The following UBQLN4 variants were observed in gnomAD, a reference collection of about 807,000 sequenced individuals.
UBQLN4 encodes ubiquilin 4.
A neutral mutation model predicts 60.4 loss-of-function variants in UBQLN4; 11 were observed. That is an observed-to-expected ratio of 0.18 (90% confidence interval 0.11 to 0.30). The LOEUF is 0.30. Among genes scored for constraint, UBQLN4 ranks in the 10% least tolerant of loss-of-function variants. The pLI is 1.00. For synonymous variants in UBQLN4, 258 were observed against 313.1 expected (o/e 0.82, Z 1.86); for missense variants, 417 against 795.5 (o/e 0.52, Z 5.72).
chr1:156,042,828 G>A lies in UBQLN4; in HGVS notation c.1212C>T (p.Pro404=). Residue 404 remains proline, a synonymous_variant, in exon 7 of 11, where the codon CCC becomes CCT. Transcript: ENST00000368309. The stretch of plus-strand genomic sequence containing the variant: ...GCGTCTGCATCATGCTGCGCATGTA[G>A]GGTGCTGAGATCACATTCTGCATCA... The part of the protein sequence containing the change: ...PQLMQNVISA[P]YMRSMMQTLA... 3 of 1,614,226 alleles carry A rather than the reference G, an allele frequency of 1.9e-6. No individual in the cohort carries two copies. The highest frequency in any genetic ancestry group is 1.7e-6 in the Non-Finnish European group (2 of 1,180,032).
At chr1:156,043,206 G>T (rs1226947516) in intron 6 of UBQLN4, among the ~76,000 whole-genome samples, 3 of 152,116 alleles carry the variant, frequency 2.0e-5, no homozygotes, top group African/African-American at 7.2e-5. Context: ...CTCAAATTAT[G>T]TCCAATTTGG....
downstream of UBQLN4, among the ~76,000 whole-genome samples, chr1:156,031,397 A>G (rs1169237041): frequency 6.6e-6 from 1 of 152,166 alleles, no homozygotes; most frequent in African/African-American, 2.4e-5. Context: ...GGCAGGTTGA[A>G]TAACTCTCCC....
At chr1:156,034,995 T>C (rs956915997), downstream of UBQLN4, among the ~76,000 whole-genome samples, 1 of 150,180 alleles carries the variant, frequency 6.7e-6, no homozygotes, top group Non-Finnish European at 1.5e-5. Context: ...CAGCCTCCCA[T>C]GTAGCTGGGA....
intron 10 of UBQLN4, 151 bp downstream of exon 10, chr1:156,041,334 A>G: frequency 1.4e-6 from 1 of 722,266 alleles, no homozygotes; most frequent in African/African-American, 1.8e-5. Context: ...AACTGAACTC[A>G]GGGAGCATCA....
In UBQLN4 at chr1:156,035,355, G is replaced by C. The variant is rs976911831; in HGVS notation, c.*1623C>G. Reference sequence around the variant, plus strand: ...AAAGGCCAGTGTGGGAGCTGGGGGAGGCAGGGAGGGAAAGCCACACAGACA... The same window carrying C: ...AAAGGCCAGTGTGGGAGCTGGGGGACGCAGGGAGGGAAAGCCACACAGACA... On this transcript the variant is annotated 3_prime_UTR_variant, in exon 11 of 11. Transcript: ENST00000368309. 27 of 985,214 alleles carry C rather than the reference G, an allele frequency of 2.7e-5. No individual in the cohort carries two copies. The highest frequency in any genetic ancestry group is 3.1e-5 in the Non-Finnish European group (26 of 829,902). 61.0% of individuals were successfully genotyped at this position (985,214 alleles called of 1,614,324 possible). A position where few individuals can be genotyped will look rare whatever the true frequency, so the allele number is the denominator to read the frequency against.
In UBQLN4 at chr1:156,044,296, C is replaced by T. The variant is rs1683643314; in HGVS notation, c.901-73G>A. 7.5e-6 allele frequency: 10 copies of T among 1,339,534 alleles called. No homozygotes were observed. In the South Asian group the frequency reaches 1.3e-4, roughly 17 times the overall value. The allele number at this position is 1,339,534 out of a possible 1,614,324, so 83.0% of individuals were successfully genotyped here. On this transcript the variant is annotated intron_variant, in intron 5 of 10. Coordinates refer to ENST00000368309, the MANE Select transcript of UBQLN4 (RefSeq NM_020131.5). Reference sequence around the variant, plus strand: ...ACAAGGGCTAGGCCCATTCTCTCCTCTCACTTAATAGCCTCCCCTTCCCCA... The same window carrying T: ...ACAAGGGCTAGGCCCATTCTCTCCTTTCACTTAATAGCCTCCCCTTCCCCA...
chr1:156,038,378 A>G (rs982081282), intron 10 of UBQLN4, among the ~76,000 whole-genome samples: 1 of 147,694 alleles, frequency 6.8e-6, no homozygotes, highest in African/African-American at 2.5e-5. Context: ...TTAAAAAAAC[A>G]AAAGTGCGTG....
Position 156,042,685 on chromosome 1 carries a change from T to A in UBQLN4, c.1266+89A>T, listed in dbSNP as rs970120613. On this transcript the variant is annotated intron_variant, in intron 7 of 10. Coordinates refer to ENST00000368309, the MANE Select transcript of UBQLN4 (RefSeq NM_020131.5). The stretch of plus-strand genomic sequence containing the variant: ...GCTTGGGATGCAAACCCAGGCAGTC[T>A]GGCTCCACAGTGTTTTGACCACAAG... 5.9e-6 allele frequency: 9 copies of A among 1,536,712 alleles called. No individual in the cohort carries two copies. The Admixed American group carries it at 1.8e-4, about 31-fold the overall frequency.
intron 10 of UBQLN4, among the ~76,000 whole-genome samples, chr1:156,041,227 A>G (rs1683553479): frequency 6.6e-6 from 1 of 152,204 alleles, no homozygotes; most frequent in Non-Finnish European, 1.5e-5. Flanking sequence ...GTGGTAAATG[A>G]GTCGTAAATG....
intron 5 of UBQLN4, among the ~76,000 whole-genome samples, chr1:156,045,055 A>G (rs779778334): frequency 5.9e-5 from 9 of 152,178 alleles, no homozygotes; most frequent in Non-Finnish European, 1.2e-4. Context: ...CACCTAGCAC[A>G]GAGCTCTGGC....
intron 9 of UBQLN4, 82 bp from the exon 10 acceptor site, chr1:156,041,753 G>A (rs1322161887): frequency 6.9e-7 from 1 of 1,448,568 alleles, no homozygotes; most frequent in East Asian, 2.5e-5. Flanking sequence ...AAAAGCAGTT[G>A]GAAGAAACAG....
chr1:156,046,703 G>T (rs900267727), intron 5 of UBQLN4, among the ~76,000 whole-genome samples: 4 of 151,330 alleles, frequency 2.6e-5, no homozygotes, highest in Non-Finnish European at 4.4e-5. Flanking sequence ...TTAGCCAGGC[G>T]TGGTGGTGCA....
chr1:156,037,226 T>A, intron 10 of UBQLN4, 96 bp from the exon 11 acceptor site: 4 of 1,458,284 alleles, frequency 2.7e-6, no homozygotes, highest in Non-Finnish European at 3.7e-6. Context: ...TTCTCTAATA[T>A]CCTCAGAGTC....
At chr1:156,049,593 C>T (rs371491116) in intron 4 of UBQLN4, among the ~76,000 whole-genome samples, 2 of 152,182 alleles carry the variant, frequency 1.3e-5, no homozygotes, top group East Asian at 1.9e-4. Flanking sequence ...TCTCTTGTTC[C>T]GTAATTCATT....
chr1:156,040,437 A>C (rs1572270861), intron 10 of UBQLN4, among the ~76,000 whole-genome samples: 3 of 121,490 alleles, frequency 2.5e-5, no homozygotes, highest in South Asian at 2.7e-4. Context: ...ATCACAGTCC[A>C]CACATTTTTT....
intron 5 of UBQLN4, among the ~76,000 whole-genome samples, chr1:156,045,267 T>C (rs1683668618): frequency 6.6e-6 from 1 of 152,200 alleles, no homozygotes. Context: ...CTGAGCTGTT[T>C]CCTTCACCTC....
intron 7 of UBQLN4, chr1:156,042,569 G>A (rs1683596626): frequency 9.5e-7 from 1 of 1,051,312 alleles, no homozygotes; most frequent in East Asian, 2.6e-5. Context: ...ACAACTATAG[G>A]AGGTAGGAAC....
At chr1:156,044,266 C>A in intron 5 of UBQLN4, 43 bp from the exon 6 acceptor site, 1 of 1,517,898 alleles carries the variant, frequency 6.6e-7, no homozygotes, top group South Asian at 1.2e-5. Flanking sequence ...TGAAACAAAT[C>A]AGGGACAAGG....
chr1:156,048,950 G>T lies in UBQLN4; in HGVS notation c.742-291C>A, dbSNP rs903451976. On this transcript the variant is annotated intron_variant, in intron 4 of 10. Transcript: ENST00000368309. This position sits in a 1 kb window ranked among gnomAD's most constrained non-coding sequence, Gnocchi z 4.9. ...CCTTAGGCTCAGAGTGTCCAAAGAAGTGTCAGGGTGCACAAGGAAACTGAG... is the reference window on the plus strand; with the variant it reads ...CCTTAGGCTCAGAGTGTCCAAAGAATTGTCAGGGTGCACAAGGAAACTGAG... Among the ~76,000 whole-genome samples, 3 of 152,212 alleles carry T rather than the reference G, an allele frequency of 2.0e-5. No homozygotes were observed. Among genetic ancestry groups the T allele is most frequent in the Non-Finnish European group, 4.4e-5 (3 of 68,032 alleles).
Sources: allele counts gnomAD v4.1 joint callset (sites outside exome capture counted in the v4.1 genomes callset), GRCh38; gene constraint gnomAD v4.1.1; non-coding constraint Gnocchi (gnomAD v3.1); transcripts MANE v1.5; gene names NCBI Gene and HGNC (gene_info 2026-07-23, HGNC 2026-07-21).